Variants in ITM2B observed in about 807,000 individuals in gnomAD.
ITM2B encodes the protein integral membrane protein 2B.
A neutral mutation model predicts 27.8 loss-of-function variants in ITM2B; 11 were observed. The ratio of observed to expected loss-of-function variants is 0.40; its 90% CI spans 0.25 to 0.66. The LOEUF (loss-of-function observed/expected upper bound fraction) is 0.66. Among genes scored for constraint, ITM2B ranks in the 30% least tolerant of loss-of-function variants. The pLI, the probability that ITM2B is intolerant of heterozygous loss-of-function variation, is 0.43. For synonymous variants in ITM2B, 114 were observed against 114.3 expected (o/e 1.00, Z 0.02); for missense variants, 296 against 328.9 (o/e 0.90, Z 0.77).
At chr13:48,238,991 T>C (rs1951684637) in intron 1 of ITM2B, among the ~76,000 whole-genome samples, 1 of 152,164 alleles carries the variant, frequency 6.6e-6, no homozygotes, top group African/African-American at 2.4e-5. Context: ...TATATATGAT[T>C]ATAATGTTTT....
At chr13:48,241,928 A>C (rs536674327) in intron 1 of ITM2B, among the ~76,000 whole-genome samples, 68 of 152,336 alleles carry the variant, frequency 4.5e-4, no homozygotes, top group Non-Finnish European at 8.1e-4. Flanking sequence ...GACCCCCTGA[A>C]CGGGTGTGTT....
chr13:48,248,890 G>T (rs2137987118), intron 1 of ITM2B, among the ~76,000 whole-genome samples: 1 of 152,316 alleles, frequency 6.6e-6, no homozygotes, highest in East Asian at 1.9e-4. Context: ...TCTGTCAATT[G>T]AGTGGAAGTT....
chr13:48,244,438 C>G (rs1213314303), intron 1 of ITM2B, among the ~76,000 whole-genome samples: 2 of 152,194 alleles, frequency 1.3e-5, no homozygotes, highest in Non-Finnish European at 1.5e-5. Flanking sequence ...CAAAGCACTT[C>G]TCACATGTAG....
Position 48,246,270 on chromosome 13 carries a change from G to T in ITM2B, c.118-7538G>T, listed in dbSNP as rs796959585. 3.0e-4 allele frequency among the ~76,000 whole-genome samples: 46 copies of T among 152,302 alleles called. 1 individual carries two copies. The highest frequency in any genetic ancestry group is 1.0e-3 in the African/African-American group (42 of 41,556). Reference sequence around the variant, plus strand: ...AATAGAGTACTCACAAATATAGAGAGCAGCTTTCTGTGTAATGCCAGACAC... The same window carrying T: ...AATAGAGTACTCACAAATATAGAGATCAGCTTTCTGTGTAATGCCAGACAC... On this transcript the variant is annotated intron_variant, in intron 1 of 5. Coordinates refer to ENST00000647800, the MANE Select transcript of ITM2B (RefSeq NM_021999.5).
Position 48,240,407 on chromosome 13 carries a change from A to G in ITM2B, c.117+6930A>G, listed in dbSNP as rs549036285. On this transcript the variant is annotated intron_variant, in intron 1 of 5. Coordinates refer to ENST00000647800, the MANE Select transcript of ITM2B (RefSeq NM_021999.5). ...TTTTTAATAGAGACGGGGTTTCACCATGTTGGCCCGGTTGGTCTCGAACTC... is the reference window on the plus strand; with the variant it reads ...TTTTTAATAGAGACGGGGTTTCACCGTGTTGGCCCGGTTGGTCTCGAACTC... Among the ~76,000 whole-genome samples, 37 of 152,236 alleles carry G rather than the reference A, an allele frequency of 2.4e-4. No homozygotes were observed. In the South Asian group the frequency reaches 2.9e-3, roughly 12 times the overall value.
chr13:48,261,893 C>T lies in ITM2B; in HGVS notation c.*669C>T, dbSNP rs930143448. 1.8e-4 allele frequency: 27 copies of T among 152,272 alleles called. No individual in the cohort carries two copies. Among genetic ancestry groups the T allele is most frequent in the African/African-American group, 4.8e-4 (20 of 41,302 alleles). 9.4% of individuals were successfully genotyped at this position (152,272 alleles called of 1,614,324 possible). A position where few individuals can be genotyped will look rare whatever the true frequency, so the allele number is the denominator to read the frequency against. ...TAACTAGACTGCGTGTTGTTTTTCC[C>T]GTATAATAAAACCAAAGAATAGTTT... On this transcript the variant is annotated 3_prime_UTR_variant, in exon 6 of 6. Transcript: ENST00000647800.
At chr13:48,253,964 T>G (rs768495920) in intron 2 of ITM2B, 28 bp downstream of exon 2, 1 of 1,600,684 alleles carries the variant, frequency 6.2e-7, no homozygotes, top group African/African-American at 1.4e-5. Flanking sequence ...TTTGTGTCTC[T>G]GATTTTTTTT....
At position 48,258,859 on chromosome 13, in the gene ITM2B, T is replaced by G; in HGVS notation, c.627T>G (p.Ile209Met). The change falls in exon 5 of 6, where the codon ATT becomes ATG. Residue 209 changes from isoleucine (I) to methionine (M), a missense_variant. Coordinates refer to ENST00000647800, the MANE Select transcript of ITM2B (RefSeq NM_021999.5). ...IHEHMVITDR[I>M]ENIDHLGFFI... Reference sequence around the variant, plus strand: ...AGCACATGGTTATTACTGATCGCATTGAAAACATTGATCACCTGGGTTTCT... The same window carrying G: ...AGCACATGGTTATTACTGATCGCATGGAAAACATTGATCACCTGGGTTTCT... 6.2e-7 allele frequency: 1 copy of G among 1,613,580 alleles called. No individual in the cohort carries two copies.
At position 48,266,035 on chromosome 13, in the gene ITM2B, A is replaced by G. The variant is rs1373789567; in HGVS notation, c.*4811A>G. 1 of 152,128 alleles carries G rather than the reference A, an allele frequency of 6.6e-6. No individual in the cohort carries two copies. Among genetic ancestry groups the G allele is most frequent in the African/African-American group, 2.4e-5 (1 of 41,420 alleles). 9.4% of individuals were successfully genotyped at this position (152,128 alleles called of 1,614,324 possible). On this transcript the variant is annotated 3_prime_UTR_variant, in exon 6 of 6. Transcript: ENST00000647800. ...GAATGAATGAATGATTCCTTCCCGT[A>G]CCACCCTAGTCTTGCCCACTGTCAT...
rs1001637015 is a variant in ITM2B, at chr13:48,262,698, A to G, written c.*1474A>G. ...ATATCTGCAAAGAAGAAAAAAAGCCACTGCCGTCGTGGAGACTCACAATCT... is the reference window on the plus strand; with the variant it reads ...ATATCTGCAAAGAAGAAAAAAAGCCGCTGCCGTCGTGGAGACTCACAATCT... On this transcript the variant is annotated 3_prime_UTR_variant, in exon 6 of 6. Coordinates refer to ENST00000647800, the MANE Select transcript of ITM2B (RefSeq NM_021999.5). 1.3e-5 allele frequency: 2 copies of G among 152,204 alleles called. No individual in the cohort carries two copies. The highest frequency in any genetic ancestry group is 4.8e-5 in the African/African-American group (2 of 41,440). The allele number at this position is 152,204 out of a possible 1,614,324, so 9.4% of individuals were successfully genotyped here.
intron 1 of ITM2B, among the ~76,000 whole-genome samples, chr13:48,235,025 T>C (rs932507677): frequency 5.3e-5 from 8 of 152,102 alleles, no homozygotes; most frequent in Admixed American, 6.5e-5. Flanking sequence ...TATATATATA[T>C]ACACACATAC....
At chr13:48,238,725 C>T (rs1201868472) in intron 1 of ITM2B, among the ~76,000 whole-genome samples, 2 of 152,130 alleles carry the variant, frequency 1.3e-5, no homozygotes, top group East Asian at 3.8e-4. Context: ...GAAATATTTG[C>T]ATAAACCGTT....
chr13:48,251,600 G>T (rs1951756714), intron 1 of ITM2B, among the ~76,000 whole-genome samples: 1 of 152,146 alleles, frequency 6.6e-6, no homozygotes, highest in Admixed American at 6.5e-5. Flanking sequence ...CAATTTGCCA[G>T]TTGGGGCTGC....
chr13:48,255,658 A>C (rs1364113479), intron 2 of ITM2B, among the ~76,000 whole-genome samples: 1 of 152,220 alleles, frequency 6.6e-6, no homozygotes, highest in Non-Finnish European at 1.5e-5. Context: ...GATTTGCTGT[A>C]ATCTAATATT....
chr13:48,244,028 T>C (rs1331155826), intron 1 of ITM2B, among the ~76,000 whole-genome samples: 1 of 152,182 alleles, frequency 6.6e-6, no homozygotes, highest in Non-Finnish European at 1.5e-5. Flanking sequence ...CTCTGTGATA[T>C]TACATAAATA....
intron 1 of ITM2B, among the ~76,000 whole-genome samples, chr13:48,239,009 TTTA>T (rs1374082978): frequency 9.2e-5 from 14 of 152,172 alleles, no homozygotes; most frequent in African/African-American, 3.4e-4. Context: ...TTTAAATTAT[TTTA>T]TATAAAAATT....
intron 3 of ITM2B, among the ~76,000 whole-genome samples, chr13:48,257,583 G>C (rs1198253535): frequency 6.6e-6 from 1 of 152,056 alleles, no homozygotes; most frequent in Non-Finnish European, 1.5e-5. Context: ...AATAATAATA[G>C]TTAACACTTA....
chr13:48,244,194 A>G (rs1249361040), intron 1 of ITM2B, among the ~76,000 whole-genome samples: 1 of 152,234 alleles, frequency 6.6e-6, no homozygotes, highest in East Asian at 1.9e-4. Flanking sequence ...TGGAATTTAA[A>G]AATTGCTAAA....
At chr13:48,248,519 A>G (rs941145285) in intron 1 of ITM2B, among the ~76,000 whole-genome samples, 4 of 152,074 alleles carry the variant, frequency 2.6e-5, no homozygotes, top group African/African-American at 9.7e-5. Flanking sequence ...AATGTAGTGT[A>G]TATTCTTGGA....
Sources: allele counts gnomAD v4.1 joint callset (sites outside exome capture counted in the v4.1 genomes callset), GRCh38; gene constraint gnomAD v4.1.1; transcripts MANE v1.5; gene names NCBI Gene and HGNC (gene_info 2026-07-23, HGNC 2026-07-21).